The following CDYL2 variants were observed in gnomAD, a reference collection of about 807,000 sequenced individuals.
The protein encoded by CDYL2 is chromodomain Y-like protein 2.
Under a neutral mutation model 49.4 loss-of-function variants are expected in CDYL2, and 23 were observed. The observed-to-expected ratio is 0.47, with a 90% confidence interval of 0.34 to 0.66. The LOEUF (loss-of-function observed/expected upper bound fraction) is 0.66, where lower values mean the gene tolerates loss of function less well. Among genes scored for constraint, CDYL2 ranks in the 30% least tolerant of loss-of-function variants. CDYL2 has a pLI of 0.01. For synonymous variants in CDYL2, 360 were observed against 268.8 expected (o/e 1.34, Z -3.32); for missense variants, 678 against 656.4 (o/e 1.03, Z -0.36).
At chr16:80,764,557 C>T (rs1906647621) in intron 1 of CDYL2, among the ~76,000 whole-genome samples, 1 of 152,020 alleles carries the variant, frequency 6.6e-6, no homozygotes, top group South Asian at 2.1e-4. Flanking sequence ...GTCTATGTTG[C>T]TGGAACAAGA....
At chr16:80,653,995 A>G (rs777923688) in intron 2 of CDYL2, among the ~76,000 whole-genome samples, 12 of 152,154 alleles carry the variant, frequency 7.9e-5, no homozygotes, top group Non-Finnish European at 1.8e-4. Context: ...GGGCTGCCCC[A>G]TGCTTGCATG....
intron 4 of CDYL2, among the ~76,000 whole-genome samples, chr16:80,619,525 G>A (rs1026511837): frequency 6.6e-6 from 1 of 152,184 alleles, no homozygotes; most frequent in African/African-American, 2.4e-5. Context: ...TTGTTTCTCT[G>A]GATGGGCTCT....
intron 1 of CDYL2, among the ~76,000 whole-genome samples, chr16:80,690,946 T>C (rs980808793): frequency 5.9e-5 from 9 of 152,140 alleles, no homozygotes; most frequent in African/African-American, 2.2e-4. Flanking sequence ...AGGATTACAA[T>C]CAAAGATTTT....
chr16:80,598,126 C>A lies in CDYL2; in HGVS notation c.*6262G>T, dbSNP rs1183883410. 6.6e-6 allele frequency: 1 copy of A among 152,150 alleles called. No homozygotes were observed. The highest frequency in any genetic ancestry group is 1.9e-4 in the East Asian group (1 of 5,192). 9.4% of individuals were successfully genotyped at this position (152,150 alleles called of 1,614,324 possible). A position where few individuals can be genotyped will look rare whatever the true frequency, so the allele number is the denominator to read the frequency against. ...TGCACCCAGTCTCAGTAAATATTTA[C>A]AACATGGTGAGAAGGGGTCAGCTGT... On this transcript the variant is annotated 3_prime_UTR_variant, in exon 7 of 7. Transcript: ENST00000570137.
At chr16:80,803,730 G>A (rs1307308540) in intron 1 of CDYL2, among the ~76,000 whole-genome samples, 1 of 128,490 alleles carries the variant, frequency 7.8e-6, no homozygotes, top group Non-Finnish European at 1.7e-5. Flanking sequence ...CCCGCCGGCC[G>A]CGGCGCGCCC....
chr16:80,723,098 C>A (rs117953670), intron 1 of CDYL2, among the ~76,000 whole-genome samples: 466 of 152,338 alleles, frequency 3.1e-3, no homozygotes, highest in Non-Finnish European at 4.0e-3. Context: ...TATGTACCCA[C>A]CACAGGCACC....
chr16:80,639,625 A>C (rs188623782), intron 2 of CDYL2: 9,402 of 450,672 alleles, frequency 0.021, 589 homozygotes, highest in African/African-American at 0.15. Flanking sequence ...TCTACACACA[A>C]AAAAAAATAC....
intron 1 of CDYL2, among the ~76,000 whole-genome samples, chr16:80,753,505 G>A (rs886871902): frequency 6.6e-5 from 10 of 152,268 alleles, no homozygotes; most frequent in African/African-American, 2.2e-4. Context: ...CTACTCAGGA[G>A]GCTGAGGCAG....
At chr16:80,615,544 GCCTC>G (rs1438774766) in intron 4 of CDYL2, among the ~76,000 whole-genome samples, 1 of 152,100 alleles carries the variant, frequency 6.6e-6, no homozygotes, top group Non-Finnish European at 1.5e-5. Flanking sequence ...TGTCAAGACA[GCCTC>G]CCTGCTGTGG....
chr16:80,704,500 T>C (rs1039458581), intron 1 of CDYL2, among the ~76,000 whole-genome samples: 2 of 152,194 alleles, frequency 1.3e-5, no homozygotes, highest in African/African-American at 4.8e-5. Flanking sequence ...TTCTAATACA[T>C]AAAGTCACCA....
chr16:80,661,891 G>A (rs745490743), intron 2 of CDYL2, among the ~76,000 whole-genome samples: 8 of 152,148 alleles, frequency 5.3e-5, no homozygotes, highest in Non-Finnish European at 7.3e-5. Context: ...AACACAGAGC[G>A]CAGTGCCTAG....
rs1197331566 is a variant in CDYL2, at chr16:80,612,186, C to T, written c.1218+440G>A. ...AAGCCCTCCAGGGTGATGCTTCTGG[C>T]TCTCTCTTCTCTCCCATTGGCTGGA... On this transcript the variant is annotated intron_variant, in intron 5 of 6. Coordinates refer to ENST00000570137, the MANE Select transcript of CDYL2 (RefSeq NM_152342.4). The surrounding 1 kb of genome is among the most constrained non-coding windows in gnomAD (Gnocchi z 5.0). Among the ~76,000 whole-genome samples the T allele has an allele frequency of 6.6e-6, 1 of 152,204 alleles. No homozygotes were observed. Among genetic ancestry groups the T allele is most frequent in the Non-Finnish European group, 1.5e-5 (1 of 68,034 alleles).
At chr16:80,685,551 A>T (rs774658214) in intron 1 of CDYL2, among the ~76,000 whole-genome samples, 1 of 152,206 alleles carries the variant, frequency 6.6e-6, no homozygotes, top group Non-Finnish European at 1.5e-5. Flanking sequence ...ACATTTATTG[A>T]GCAATTATAT....
intron 1 of CDYL2, among the ~76,000 whole-genome samples, chr16:80,708,602 G>A (rs1243372087): frequency 1.3e-5 from 2 of 152,152 alleles, no homozygotes; most frequent in Non-Finnish European, 2.9e-5. Context: ...TGAGGATGAG[G>A]CTCAGAAAGG....
intron 2 of CDYL2, among the ~76,000 whole-genome samples, chr16:80,676,800 C>G (rs369211817): frequency 3.0e-4 from 46 of 152,184 alleles, no homozygotes; most frequent in African/African-American, 1.1e-3. Flanking sequence ...TTCCCATTTT[C>G]CTGTTCTCCA....
Position 80,684,727 on chromosome 16 carries a change from C to T in CDYL2, c.427G>A (p.Gly143Ser). The T allele has an allele frequency of 1.2e-6, 2 of 1,614,154 alleles. No individual in the cohort carries two copies. The highest frequency in any genetic ancestry group is 1.7e-6 in the Non-Finnish European group (2 of 1,180,038). Residue 143 changes from glycine to serine, a missense_variant, in exon 2 of 7, where the codon GGT becomes AGT. Physicochemically the swap from Gly to Ser is moderately conservative, Grantham distance 56. This residue lies in a region of CDYL2 where 478 missense variants were observed against 427.0 expected (regional missense o/e 1.12). Transcript: ENST00000570137. ...TTTTTCAGGGGCATTATTTGCAAAC[C>T]ACTGGGGGTAGTCCTGTAAGACACC... ...KTVSYRTTPSGLQIMPLKKSQ... is the reference protein window; with the variant it reads ...KTVSYRTTPSSLQIMPLKKSQ...
rs114789163 is a variant in CDYL2, at chr16:80,633,255, C to T, written c.617-19G>A. The T allele has an allele frequency of 7.0e-4, 1,120 of 1,604,808 alleles. 7 individuals are homozygous for T. The African/African-American group carries it at 0.014, about 20-fold the overall frequency. Reference sequence around the variant, plus strand: ...GCAGAGCCTTCCAAAACCAGATAAACAATGTAAGAAACTGAAATGGACCAC... The same window carrying T: ...GCAGAGCCTTCCAAAACCAGATAAATAATGTAAGAAACTGAAATGGACCAC... On this transcript the variant is annotated intron_variant, in intron 2 of 6. Coordinates refer to ENST00000570137, the MANE Select transcript of CDYL2 (RefSeq NM_152342.4).
At chr16:80,664,412 G>A (rs1351178299) in intron 2 of CDYL2, among the ~76,000 whole-genome samples, 1 of 152,136 alleles carries the variant, frequency 6.6e-6, no homozygotes, top group Non-Finnish European at 1.5e-5. Flanking sequence ...CATCCCCAGG[G>A]CTCCGGTGTC....
rs60435092 is a variant in CDYL2, at chr16:80,659,205, A to G, written c.616+25333T>C. Among the ~76,000 whole-genome samples the G allele has an allele frequency of 3.7e-3, 562 of 152,322 alleles. 6 individuals are homozygous for G. The highest frequency in any genetic ancestry group is 0.013 in the African/African-American group (527 of 41,566). ...CTAAATCTAACCTTGAAGAAACATT[A>G]GATAAACTCAGTAAAATAACTAGCT... On this transcript the variant is annotated intron_variant, in intron 2 of 6. Coordinates refer to ENST00000570137, the MANE Select transcript of CDYL2 (RefSeq NM_152342.4).
Sources: allele counts gnomAD v4.1 joint callset (sites outside exome capture counted in the v4.1 genomes callset), GRCh38; gene constraint gnomAD v4.1.1; regional missense constraint gnomAD v4.1.1; non-coding constraint Gnocchi (gnomAD v3.1); transcripts MANE v1.5; gene names NCBI Gene and HGNC (gene_info 2026-07-23, HGNC 2026-07-21).